The following CDH12 variants were observed in gnomAD, a reference collection of about 807,000 sequenced individuals.
CDH12 encodes cadherin-12.
A neutral mutation model predicts 74.1 loss-of-function variants in CDH12; 41 were observed. The observed-to-expected ratio is 0.55, with a 90% confidence interval of 0.43 to 0.72. CDH12 has a LOEUF of 0.72. CDH12 is among the 30% of genes least tolerant of loss of function. The probability of loss-of-function intolerance (pLI) is 0.00; values close to 1 mark genes in which losing one functional copy is unlikely to be tolerated. For missense variants in CDH12, 945 were observed against 977.2 expected, an observed-to-expected ratio of 0.97 and a Z score of 0.44; for synonymous variants, 399 against 355.0, an observed-to-expected ratio of 1.12 and a Z score of -1.39.
chr5:21,804,029 T>A (rs144918089), intron 9 of CDH12, among the ~76,000 whole-genome samples: 1 of 152,316 alleles, frequency 6.6e-6, no homozygotes, highest in East Asian at 1.9e-4. Context: ...GGAACTATAT[T>A]TATTAATTCC....
intron 2 of CDH12, among the ~76,000 whole-genome samples, chr5:22,428,763 T>C (rs1243912895): frequency 6.6e-6 from 1 of 152,178 alleles, no homozygotes; most frequent in Non-Finnish European, 1.5e-5. Context: ...GTCGTCAATC[T>C]ACCTTGAGTG....
At chr5:21,910,072 C>G (rs777642063) in intron 6 of CDH12, among the ~76,000 whole-genome samples, 4 of 152,114 alleles carry the variant, frequency 2.6e-5, no homozygotes, top group Non-Finnish European at 4.4e-5. Context: ...ATTCTACTAT[C>G]TACAGGAGTT....
intron 1 of CDH12, among the ~76,000 whole-genome samples, chr5:22,835,817 C>T (rs576684040): frequency 1.6e-4 from 24 of 152,288 alleles, no homozygotes; most frequent in African/African-American, 5.5e-4. Context: ...AAAATCATCT[C>T]CTGTTTCCAT....
chr5:21,892,682 C>T (rs1752948737), intron 6 of CDH12, among the ~76,000 whole-genome samples: 1 of 151,920 alleles, frequency 6.6e-6, no homozygotes, highest in Non-Finnish European at 1.5e-5. Flanking sequence ...AGTTTACCTA[C>T]AATACTAAAT....
At chr5:22,785,605 G>C (rs1747584591) in intron 1 of CDH12, among the ~76,000 whole-genome samples, 1 of 152,030 alleles carries the variant, frequency 6.6e-6, no homozygotes, top group South Asian at 2.1e-4. Context: ...TTGCAGCCTT[G>C]CCTCCCAGGT....
intron 3 of CDH12, among the ~76,000 whole-genome samples, chr5:22,393,779 A>G (rs1309878151): frequency 6.6e-6 from 1 of 152,150 alleles, no homozygotes; most frequent in Non-Finnish European, 1.5e-5. Flanking sequence ...TGTAAATATG[A>G]CTGTTAAATG....
chr5:22,677,595 C>G (rs75498283), intron 1 of CDH12, among the ~76,000 whole-genome samples: 3 of 151,828 alleles, frequency 2.0e-5, no homozygotes, highest in South Asian at 2.1e-4. Flanking sequence ...GAATTTTTGA[C>G]GAGACACAAA....
chr5:21,842,227 C>A lies in CDH12; in HGVS notation c.748G>T (p.Ala250Ser), dbSNP rs1749909466. 1.2e-6 allele frequency: 2 copies of A among 1,613,472 alleles called. No homozygotes were observed. Among genetic ancestry groups the A allele is most frequent in the South Asian group, 1.1e-5 (1 of 91,018 alleles). Residue 250 changes from alanine to serine, a missense_variant, in exon 8 of 15, where the codon GCC becomes TCC. Transcript: ENST00000382254. ...KDMGGQLGGL[A>S]GTTIVNITLT... is the part of the protein sequence containing the mutation. ...GTGATGTTGACTATTGTTGTTCCGG[C>A]TAATCCTCCAAGCTGTCCTCCCATA...
At position 22,392,907 on chromosome 5, in the gene CDH12, A is replaced by C. The variant is rs1742303201; in HGVS notation, c.-333+12350T>G. 1.3e-5 allele frequency among the ~76,000 whole-genome samples: 2 copies of C among 152,014 alleles called. 1 individual carries two copies. The highest frequency in any genetic ancestry group is 4.2e-4 in the South Asian group (2 of 4,808). Reference sequence around the variant, plus strand: ...TATTACAAACTTCTCAACCACCCCTAGTCATTAGGAAGAGATTTTTCACTG... The same window carrying C: ...TATTACAAACTTCTCAACCACCCCTCGTCATTAGGAAGAGATTTTTCACTG... On this transcript the variant is annotated intron_variant, in intron 3 of 14. Coordinates refer to ENST00000382254, the MANE Select transcript of CDH12 (RefSeq NM_004061.5).
chr5:22,047,475 C>T (rs960086111), intron 5 of CDH12, among the ~76,000 whole-genome samples: 2 of 151,980 alleles, frequency 1.3e-5, no homozygotes, highest in Admixed American at 6.6e-5. Context: ...GGTCTCCATA[C>T]CTATATTTTA....
At chr5:22,668,122 CTACT>C (rs1361008802) in intron 1 of CDH12, among the ~76,000 whole-genome samples, 7 of 152,072 alleles carry the variant, frequency 4.6e-5, no homozygotes, top group Non-Finnish European at 8.8e-5. Context: ...TTAAATTGTG[CTACT>C]TAGTCTTTCT....
At chr5:22,385,599 T>C (rs989735415) in intron 3 of CDH12, among the ~76,000 whole-genome samples, 5 of 152,292 alleles carry the variant, frequency 3.3e-5, no homozygotes, top group Middle Eastern at 6.8e-3. Context: ...ATGAGGACCT[T>C]ATCTTTCTGC....
chr5:22,241,430 T>C lies in CDH12; in HGVS notation c.-332-28787A>G, dbSNP rs1214792995. ...TGACCAAAACAGTTCTATGAAGATA[T>C]GGTGTCAATCAAACATGTTTAAATT... On this transcript the variant is annotated intron_variant, in intron 3 of 14. Transcript: ENST00000382254. 2.0e-5 allele frequency among the ~76,000 whole-genome samples: 3 copies of C among 152,202 alleles called. 1 individual carries two copies. Among genetic ancestry groups the C allele is most frequent in the Admixed American group, 2.0e-4 (3 of 15,290 alleles).
intron 8 of CDH12, among the ~76,000 whole-genome samples, chr5:21,824,946 G>A (rs1748580470): frequency 6.6e-6 from 1 of 152,098 alleles, no homozygotes; most frequent in South Asian, 2.1e-4. Context: ...CTGAGCTCAG[G>A]AGTTCGAGAC....
At chr5:22,328,141 A>C (rs1739201582) in intron 3 of CDH12, among the ~76,000 whole-genome samples, 1 of 152,218 alleles carries the variant, frequency 6.6e-6, no homozygotes, top group Admixed American at 6.5e-5. Context: ...CCAAATGTAG[A>C]GGCTCACACA....
intron 5 of CDH12, among the ~76,000 whole-genome samples, chr5:22,037,513 T>G (rs1739272930): frequency 6.6e-6 from 1 of 152,176 alleles, no homozygotes; most frequent in African/African-American, 2.4e-5. Flanking sequence ...TGGAATGCAG[T>G]GCTGACAACA....
chr5:22,558,766 T>C (rs547510214), intron 1 of CDH12, among the ~76,000 whole-genome samples: 1 of 152,112 alleles, frequency 6.6e-6, no homozygotes, highest in Non-Finnish European at 1.5e-5. Context: ...GTGTCAAAGG[T>C]GTAAATAAGA....
chr5:22,650,712 G>T (rs1739690119), intron 1 of CDH12, among the ~76,000 whole-genome samples: 1 of 152,010 alleles, frequency 6.6e-6, no homozygotes, highest in Admixed American at 6.6e-5. Flanking sequence ...AGTGCAAAAT[G>T]ATATTGGGTA....
At chr5:22,215,057 G>A (rs1425571937) in intron 3 of CDH12, among the ~76,000 whole-genome samples, 1 of 152,208 alleles carries the variant, frequency 6.6e-6, no homozygotes, top group Non-Finnish European at 1.5e-5. Context: ...TTGCTATGTA[G>A]TAAGTGACTG....
Sources: allele counts gnomAD v4.1 joint callset (sites outside exome capture counted in the v4.1 genomes callset), GRCh38; gene constraint gnomAD v4.1.1; transcripts MANE v1.5; gene names NCBI Gene and HGNC (gene_info 2026-07-23, HGNC 2026-07-21).